Variants in IGF1R observed in about 807,000 individuals in gnomAD.
IGF1R encodes insulin like growth factor 1 receptor.
In IGF1R, 44 loss-of-function variants were observed where a neutral mutation model predicts 144.6. The ratio of observed to expected loss-of-function variants is 0.30; its 90% CI spans 0.24 to 0.39. IGF1R has a LOEUF of 0.39. Ranked by LOEUF, IGF1R falls within the 10% of genes least tolerant of loss-of-function variation. IGF1R has a pLI of 1.00. For missense variants in IGF1R, 1,355 were observed against 1,833.7 expected (o/e 0.74, Z 4.77); for synonymous variants, 795 against 722.8 (o/e 1.10, Z -1.60).
chr15:98,718,467 G>A (rs1055424484), intron 2 of IGF1R, among the ~76,000 whole-genome samples: 1 of 152,212 alleles, frequency 6.6e-6, no homozygotes, highest in African/African-American at 2.4e-5. Context: ...GGTTAATGCA[G>A]AGTGGCCCAT....
chr15:98,792,069 C>T (rs1454017432), intron 2 of IGF1R, among the ~76,000 whole-genome samples: 1 of 152,158 alleles, frequency 6.6e-6, no homozygotes, highest in African/African-American at 2.4e-5. Flanking sequence ...TTTTCCTTCC[C>T]TATTACCCTA....
intron 1 of IGF1R, among the ~76,000 whole-genome samples, chr15:98,669,206 G>A (rs572317386): frequency 6.6e-6 from 1 of 152,286 alleles, no homozygotes; most frequent in Admixed American, 6.5e-5. Context: ...TGGGCTTCCT[G>A]AGAGCCTGGT....
intron 2 of IGF1R, among the ~76,000 whole-genome samples, chr15:98,863,657 A>G (rs1457816885): frequency 6.6e-6 from 1 of 152,252 alleles, no homozygotes; most frequent in Non-Finnish European, 1.5e-5. Flanking sequence ...GAAGCTTAAG[A>G]AATCCCACAT....
intron 2 of IGF1R, among the ~76,000 whole-genome samples, chr15:98,832,181 CTAT>C (rs957237593): frequency 2.0e-4 from 30 of 152,224 alleles, no homozygotes; most frequent in African/African-American, 6.7e-4. Context: ...CTATGTAATT[CTAT>C]TATTATGCAC....
rs915459694 is a variant in IGF1R, at chr15:98,775,232, C to T, written c.640+67125C>T. Among the ~76,000 whole-genome samples the T allele has an allele frequency of 2.0e-5, 3 of 152,156 alleles. 1 individual carries two copies. Among genetic ancestry groups the T allele is most frequent in the African/African-American group, 4.8e-5 (2 of 41,454 alleles). ...AGCGGGACCATTGCCTCGTTCCCCCCACCTCCACATGGAAGGTGCCTTTTG... is the reference window on the plus strand; with the variant it reads ...AGCGGGACCATTGCCTCGTTCCCCCTACCTCCACATGGAAGGTGCCTTTTG... On this transcript the variant is annotated intron_variant, in intron 2 of 20. Transcript: ENST00000650285.
intron 2 of IGF1R, among the ~76,000 whole-genome samples, chr15:98,886,578 T>C (rs2013654058): frequency 6.6e-6 from 1 of 152,158 alleles, no homozygotes; most frequent in Admixed American, 6.5e-5. Context: ...TCGCACTCAG[T>C]GTGTTTATTC....
intron 2 of IGF1R, among the ~76,000 whole-genome samples, chr15:98,819,758 C>G (rs2056767736): frequency 1.3e-5 from 2 of 152,092 alleles, no homozygotes; most frequent in African/African-American, 4.8e-5. Flanking sequence ...AGTAACAAAA[C>G]TTAATATGCG....
intron 2 of IGF1R, among the ~76,000 whole-genome samples, chr15:98,801,424 C>CT (rs1337275304): frequency 6.6e-6 from 1 of 152,238 alleles, no homozygotes; most frequent in Non-Finnish European, 1.5e-5. Context: ...AAATGAACCT[C>CT]TATCAAAACA....
intron 1 of IGF1R, among the ~76,000 whole-genome samples, chr15:98,653,333 A>G (rs1057058500): frequency 2.0e-5 from 3 of 152,214 alleles, no homozygotes. Flanking sequence ...TTCCAGTTTT[A>G]TTATGTTTTC....
chr15:98,726,090 A>C (rs928448060), intron 2 of IGF1R, among the ~76,000 whole-genome samples: 4 of 152,224 alleles, frequency 2.6e-5, no homozygotes, highest in Non-Finnish European at 5.9e-5. Flanking sequence ...CTGAACAATG[A>C]CTAGGTGCCA....
intron 2 of IGF1R, among the ~76,000 whole-genome samples, chr15:98,727,502 C>T (rs138535671): frequency 6.6e-6 from 1 of 152,288 alleles, no homozygotes; most frequent in Non-Finnish European, 1.5e-5. Flanking sequence ...GATAAAGGTG[C>T]ACCCTGAAAC....
intron 2 of IGF1R, among the ~76,000 whole-genome samples, chr15:98,844,979 G>A (rs1425998877): frequency 6.6e-6 from 1 of 152,100 alleles, no homozygotes; most frequent in Non-Finnish European, 1.5e-5. Context: ...ACCAAAAAGT[G>A]AAGTTCAAAG....
chr15:98,649,525 C>CTTTTTTTTTTTTTTTTTT lies in IGF1R; in HGVS notation c.-50_-33dup, dbSNP rs544674838. 2.0e-4 allele frequency: 148 copies of CTTTTTTTTTTTTTTTTTT among 726,142 alleles called. 2 individuals carry two copies. Among genetic ancestry groups the CTTTTTTTTTTTTTTTTTT allele is most frequent in the South Asian group, 5.0e-4 (28 of 56,176 alleles). The allele number at this position is 726,142 out of a possible 1,614,324, so 45.0% of individuals were successfully genotyped here. A position where few individuals can be genotyped will look rare whatever the true frequency, so the allele number is the denominator to read the frequency against. On this transcript the variant is annotated 5_prime_UTR_variant, in exon 1 of 21. Coordinates refer to ENST00000650285, the MANE Select transcript of IGF1R (RefSeq NM_000875.5). ...TCATTTCCTTTTTTTCTTTTCTTTT[C>CTTTTTTTTTTTTTTTTTT]TTTTTTTTTTTTTTTTTTTTTTTTG...
Position 98,744,762 on chromosome 15 carries a change from G to GT in IGF1R, c.640+36667dup, listed in dbSNP as rs202049996. On this transcript the variant is annotated intron_variant, in intron 2 of 20. Coordinates refer to ENST00000650285, the MANE Select transcript of IGF1R (RefSeq NM_000875.5). ...ACATGACGGTAATGCAAACTGCTCTGTTTTTTTTTTTTCTTTTGGCGTTTG... is the reference window on the plus strand; with the variant it reads ...ACATGACGGTAATGCAAACTGCTCTGTTTTTTTTTTTTTCTTTTGGCGTTTG... Among the ~76,000 whole-genome samples the GT allele has an allele frequency of 4.0e-3, 582 of 145,754 alleles. 4 individuals are homozygous for GT. The highest frequency in any genetic ancestry group is 0.011 in the Middle Eastern group (3 of 280).
chr15:98,803,899 A>G (rs1187805934), intron 2 of IGF1R, among the ~76,000 whole-genome samples: 2 of 152,230 alleles, frequency 1.3e-5, no homozygotes, highest in African/African-American at 2.4e-5. Context: ...GTCACTTATT[A>G]TCATTATCAC....
intron 2 of IGF1R, among the ~76,000 whole-genome samples, chr15:98,844,443 A>T (rs1310641223): frequency 6.6e-6 from 1 of 152,164 alleles, no homozygotes; most frequent in Non-Finnish European, 1.5e-5. Flanking sequence ...CCTGCCAAAA[A>T]AACTATTTAC....
At chr15:98,769,012 G>A (rs2055515891) in intron 2 of IGF1R, among the ~76,000 whole-genome samples, 1 of 152,158 alleles carries the variant, frequency 6.6e-6, no homozygotes, top group Non-Finnish European at 1.5e-5. Flanking sequence ...TCTAGACAAT[G>A]TGAAATGCAA....
At chr15:98,790,201 A>G (rs879586474) in intron 2 of IGF1R, among the ~76,000 whole-genome samples, 1 of 152,126 alleles carries the variant, frequency 6.6e-6, no homozygotes, top group Non-Finnish European at 1.5e-5. Context: ...TTGGGGTACT[A>G]TATGTGCCAT....
In IGF1R at chr15:98,728,256, G is replaced by T. The variant is rs547662303; in HGVS notation, c.640+20149G>T. On this transcript the variant is annotated intron_variant, in intron 2 of 20. Transcript: ENST00000650285. ...AGGAGAAATCACGCCTGTTGTTGCC[G>T]CTGGCCATCACAGATCCCGGTGCCT... Among the ~76,000 whole-genome samples the T allele has an allele frequency of 3.3e-5, 5 of 152,174 alleles. No homozygotes were observed. The East Asian group carries it at 7.7e-4, about 24-fold the overall frequency.
Sources: allele counts gnomAD v4.1 joint callset (sites outside exome capture counted in the v4.1 genomes callset), GRCh38; gene constraint gnomAD v4.1.1; transcripts MANE v1.5; gene names NCBI Gene and HGNC (gene_info 2026-07-23, HGNC 2026-07-21).